MALAT1: variants seen among roughly 807,000 people sequenced by gnomAD.
MALAT1 encodes the protein metastasis associated lung adenocarcinoma transcript 1.
At chr11:65,502,509 ATTGT>A (rs1368903038) in exon 3 of MALAT1, 3 of 483,816 alleles carry the variant, frequency 6.2e-6, no homozygotes, top group East Asian at 5.5e-5. Flanking sequence ...AATTTTGTAA[ATTGT>A]TTATTTTAAA....
chr11:65,498,776 C>T (rs376984535), intron 2 of MALAT1: 39 of 518,778 alleles, frequency 7.5e-5, no homozygotes, highest in African/African-American at 6.9e-4. Flanking sequence ...TGTTTGATGA[C>T]CCGTTTAAAA....
exon 1 of MALAT1, chr11:65,497,832 A>C: frequency 1.9e-6 from 1 of 514,414 alleles, no homozygotes; most frequent in East Asian, 5.5e-5. Context: ...GCAACGCAGA[A>C]GCCCGGCGCC....
intron 1 of MALAT1, chr11:65,498,338 G>T (rs773892119): frequency 1.9e-6 from 1 of 517,926 alleles, no homozygotes; most frequent in South Asian, 1.4e-5. Flanking sequence ...GGCCGTGGGG[G>T]GCTGGCGGCA....
exon 3 of MALAT1, chr11:65,501,819 A>C (rs780584147): frequency 3.9e-6 from 2 of 517,994 alleles, no homozygotes; most frequent in Admixed American, 3.9e-5. Flanking sequence ...CAATAATGTG[A>C]CTTCTTAAAA....
chr11:65,498,962 C>T (rs774978403), intron 2 of MALAT1: 1 of 518,718 alleles, frequency 1.9e-6, no homozygotes, highest in Non-Finnish European at 3.8e-6. Context: ...TTGCCTCCCT[C>T]ACAAAGGCGG....
At chr11:65,503,979 A>G (rs1295810094) in intron 3 of MALAT1, 7 of 515,634 alleles carry the variant, frequency 1.4e-5, no homozygotes, top group Admixed American at 9.8e-5. Context: ...ATAAATTGAC[A>G]GTGATTAGAG....
At chr11:65,501,131 T>C (rs1365376712) in exon 3 of MALAT1, 1 of 517,496 alleles carries the variant, frequency 1.9e-6, no homozygotes. Context: ...TTCAGTTTTG[T>C]GAATAGATGA....
intron 1 of MALAT1, chr11:65,498,425 T>C (rs746628393): frequency 8.9e-5 from 46 of 518,482 alleles, no homozygotes; most frequent in Non-Finnish European, 1.4e-4. Context: ...AGCTCTGTGG[T>C]GTGGGATTGA....
At chr11:65,503,734 TTGTC>T (rs766106852) in exon 3 of MALAT1, 78 of 517,442 alleles carry the variant, frequency 1.5e-4, no homozygotes, top group African/African-American at 3.8e-4. Context: ...TTCAGAAACT[TTGTC>T]TGCGAACACT....
exon 3 of MALAT1, chr11:65,501,569 G>C (rs529219258): frequency 2.3e-5 from 12 of 518,522 alleles, no homozygotes; most frequent in African/African-American, 2.1e-4. Flanking sequence ...GGGAGAAAAT[G>C]TTTTTTTCTA....
intron 3 of MALAT1, chr11:65,506,241 T>G (rs745568424): frequency 1.7e-5 from 8 of 457,946 alleles, no homozygotes. Flanking sequence ...CAGGTGCTAG[T>G]TCTTGGAGTT....
In MALAT1 at chr11:65,503,978, C is replaced by T. The variant is rs1385921363; in HGVS notation, n.5168+73C>T. ...AGAAAGTCAGGGGTCTATAAATTGA[C>T]AGTGATTAGAGTAATACTTTTTCAC... On this transcript the variant is annotated intron_variant and non_coding_transcript_variant, in intron 3 of 3. Transcript: ENST00000619449. 4 of 515,846 alleles carry T rather than the reference C, an allele frequency of 7.8e-6. No individual in the cohort carries two copies. The Admixed American group carries it at 7.8e-5, about 10-fold the overall frequency. 32.0% of individuals were successfully genotyped at this position (515,846 alleles called of 1,614,324 possible).
exon 3 of MALAT1, chr11:65,503,125 C>A (rs765958835): frequency 5.9e-6 from 3 of 508,006 alleles, no homozygotes; most frequent in East Asian, 1.1e-4. Context: ...AGACAGGTAT[C>A]TCTTCGTTAT....
exon 3 of MALAT1, chr11:65,502,864 G>A (rs374743226): frequency 1.2e-4 from 57 of 494,938 alleles, no homozygotes; most frequent in African/African-American, 2.9e-4. Context: ...TTAAAGTTAC[G>A]GAATCTACCA....
chr11:65,497,769 A>G, exon 1 of MALAT1: 1 of 461,354 alleles, frequency 2.2e-6, no homozygotes, highest in African/African-American at 2.0e-5. Context: ...TCTGTAAAGG[A>G]CTGGGGCCCC....
At chr11:65,506,050 A>C in intron 3 of MALAT1, 1 of 450,304 alleles carries the variant, frequency 2.2e-6, no homozygotes, top group Non-Finnish European at 4.2e-6. Flanking sequence ...CTGAGAAAAC[A>C]ACACGTATTG....
intron 3 of MALAT1, chr11:65,504,544 A>G (rs781519304): frequency 1.9e-6 from 1 of 518,968 alleles, no homozygotes. Flanking sequence ...TGCAGTTTTA[A>G]GCAGTCGTAT....
intron 3 of MALAT1, chr11:65,505,547 C>G (rs1194263647): frequency 5.8e-6 from 3 of 515,614 alleles, no homozygotes; most frequent in African/African-American, 5.8e-5. Flanking sequence ...CCACAAGCAA[C>G]TTCTCTGCCA....
chr11:65,498,044 T>G, intron 1 of MALAT1: 1 of 518,960 alleles, frequency 1.9e-6, no homozygotes, highest in Non-Finnish European at 3.8e-6. Flanking sequence ...GCTTTTATTT[T>G]TCTTCCTGCT....
Sources: gnomAD v4.1 joint callset for allele counts on GRCh38, gnomAD v4.1.1 for gene constraint, MANE v1.5 for transcripts, NCBI Gene and HGNC (gene_info 2026-07-23, HGNC 2026-07-21) for gene names.